Variants in DCHS1 observed in about 807,000 individuals in gnomAD.
The protein encoded by DCHS1 is protocadherin-16.
A neutral mutation model predicts 213.9 loss-of-function variants in DCHS1; 78 were observed. The observed-to-expected ratio is 0.36, with a 90% CI of 0.30 to 0.44. The LOEUF (loss-of-function observed/expected upper bound fraction) is 0.44. Ranked by LOEUF, DCHS1 falls within the 20% of genes least tolerant of loss-of-function variation. DCHS1 has a pLI of 1.00. For synonymous variants in DCHS1, 1,828 were observed against 1,873.7 expected (o/e 0.98, Z 0.63); for missense variants, 3,946 against 4,395.9 (o/e 0.90, Z 2.89).
intron 7 of DCHS1, 51 bp downstream of exon 7, chr11:6,631,565 T>G: frequency 6.5e-7 from 1 of 1,546,730 alleles, no homozygotes; most frequent in Non-Finnish European, 8.7e-7. Flanking sequence ...TATGGGGAGA[T>G]CCCCACTCCC....
In DCHS1 at chr11:6,641,467, C is replaced by T. The variant is rs1226446322; in HGVS notation, c.147G>A (p.Leu49=). The T allele has an allele frequency of 1.3e-6, 2 of 1,587,748 alleles. No individual in the cohort carries two copies. The highest frequency in any genetic ancestry group is 1.8e-5 in the Admixed American group (1 of 55,982). ...CCGCTGGCTGCTCCTCATCAATCTG[C>T]AAGTCCAGGCTCCCAGCCTGACCCC... The part of the protein sequence containing the change: ...GAWGQAGSLD[L]QIDEEQPAGT... Residue 49 remains leucine, a synonymous_variant, in exon 2 of 21, where the codon TTG becomes TTA. Coordinates refer to ENST00000299441, the MANE Select transcript of DCHS1 (RefSeq NM_003737.4). The surrounding 1 kb of genome is among the most constrained non-coding windows in gnomAD (Gnocchi z 7.1).
rs751713481 is a variant in DCHS1, at chr11:6,628,600, T to C, written c.5371+21A>G. 3 of 1,613,114 alleles carry C rather than the reference T, an allele frequency of 1.9e-6. No individual in the cohort carries two copies. Among genetic ancestry groups the C allele is most frequent in the Non-Finnish European group, 1.7e-6 (2 of 1,179,504 alleles). ...CCAGGCAAGTGGGTGCTGAATTAAG[T>C]GGGAGTGGGAAGGTTCTCACCTAGG... On this transcript the variant is annotated intron_variant, in intron 13 of 20. Coordinates refer to ENST00000299441, the MANE Select transcript of DCHS1 (RefSeq NM_003737.4). The surrounding 1 kb of genome is among the most constrained non-coding windows in gnomAD (Gnocchi z 4.3).
chr11:6,627,494 T>G lies in DCHS1; in HGVS notation c.5545A>C (p.Asn1849His). 1 of 1,611,812 alleles carries G rather than the reference T, an allele frequency of 6.2e-7. No homozygotes were observed. Among genetic ancestry groups the G allele is most frequent in the Non-Finnish European group, 8.5e-7 (1 of 1,179,124 alleles). Residue 1849 changes from asparagine (N) to histidine (H), a missense_variant, in exon 14 of 21, where the codon AAT (asparagine) becomes CAT (histidine). By Grantham distance (68) the Asn-to-His change is moderately conservative (BLOSUM62 1). This residue lies in a region of DCHS1 where 3,384 missense variants were observed against 3,780.1 expected (regional missense o/e 0.90). Coordinates refer to ENST00000299441, the MANE Select transcript of DCHS1 (RefSeq NM_003737.4). The surrounding 1 kb of genome is among the most constrained non-coding windows in gnomAD (Gnocchi z 5.4). The stretch of plus-strand genomic sequence containing the variant: ...ACAGGAAAGGCTGGAGCATGGTCAT[T>G]GGCATCCAGCACTGTCACTGTCAAA... ...LLLTVTVLDA[N>H]DHAPAFPVPA...
At chr11:6,634,675 A>G (rs1250250252) in intron 2 of DCHS1, among the ~76,000 whole-genome samples, 2 of 152,194 alleles carry the variant, frequency 1.3e-5, no homozygotes, top group African/African-American at 4.8e-5. Context: ...TCCATACAAC[A>G]CATCACAGCC....
chr11:6,624,158 A>G lies in DCHS1; in HGVS notation c.7518T>C (p.Ala2506=). The change falls in exon 21 of 21, where the codon GCT becomes GCC. Residue 2506 remains alanine (A), a synonymous_variant. Transcript: ENST00000299441. ...PPGSTLLTLE[A]TDADGSRSHA... ...GGCTGCGGCTTCCATCAGCATCTGTAGCCTCCAGGGTGAGCAGAGTGGAGC... is the reference window on the plus strand; with the variant it reads ...GGCTGCGGCTTCCATCAGCATCTGTGGCCTCCAGGGTGAGCAGAGTGGAGC... The G allele has an allele frequency of 1.2e-6, 2 of 1,612,672 alleles. No homozygotes were observed. Among genetic ancestry groups the G allele is most frequent in the African/African-American group, 1.3e-5 (1 of 75,058 alleles).
rs979852727 is a variant in DCHS1 at position 6,622,143 on chromosome 11, C to A, written c.9533G>T (p.Ser3178Ile). 6.2e-7 allele frequency: 1 copy of A among 1,612,742 alleles called. No homozygotes were observed. The highest frequency in any genetic ancestry group is 1.1e-5 in the South Asian group (1 of 91,004). The part of the protein sequence containing the change: ...SWCPQFQPLA[S>I]VFTEIARLKD... ...GAGCCGAGCGATCTCTGTGAAGACA[C>A]TGGCCAGTGGTTGGAACTGAGGGCA... Residue 3178 changes from serine (S) to isoleucine (I), a missense_variant, in exon 21 of 21, where the codon AGT becomes ATT. Ser to Ile is a moderately radical substitution (Grantham distance 142). This residue lies in a region of DCHS1 where 554 missense variants were observed against 590.2 expected (regional missense o/e 0.94). Coordinates refer to ENST00000299441, the MANE Select transcript of DCHS1 (RefSeq NM_003737.4). This position sits in a 1 kb window ranked among gnomAD's most constrained non-coding sequence, Gnocchi z 5.4.
At position 6,632,472 on chromosome 11, in the gene DCHS1, T is replaced by C; in HGVS notation, c.3040A>G (p.Thr1014Ala). Residue 1014 changes from threonine (T) to alanine (A), a missense_variant, in exon 6 of 21, where the codon ACT becomes GCT. By Grantham distance (58) the Thr-to-Ala change is moderately conservative (BLOSUM62 0). This residue lies in a region of DCHS1 where 3,384 missense variants were observed against 3,780.1 expected (regional missense o/e 0.90). Coordinates refer to ENST00000299441, the MANE Select transcript of DCHS1 (RefSeq NM_003737.4). The surrounding 1 kb of genome is among the most constrained non-coding windows in gnomAD (Gnocchi z 5.9). Reference protein sequence around the residue: ...TYRVDLPSGTTAGTQVLQVQA... With the variant: ...TYRVDLPSGTAAGTQVLQVQA... ...ACTTGCAGGACCTGAGTTCCAGCAGTGGTGCCTGAGGGCAGGTCCACACGG... is the reference window on the plus strand; with the variant it reads ...ACTTGCAGGACCTGAGTTCCAGCAGCGGTGCCTGAGGGCAGGTCCACACGG... The C allele has an allele frequency of 6.3e-7, 1 of 1,590,298 alleles. No individual in the cohort carries two copies. Among genetic ancestry groups the C allele is most frequent in the Non-Finnish European group, 8.6e-7 (1 of 1,165,948 alleles).
At position 6,634,104 on chromosome 11, in the gene DCHS1, G is replaced by A. The variant is rs760884669; in HGVS notation, c.1986+14C>T. ...ACCCCAACATCCCAACCTGCCCTTG[G>A]TCTACTGACTTACCCCATCCACAGC... On this transcript the variant is annotated intron_variant, in intron 3 of 20. Transcript: ENST00000299441. 1 of 1,599,292 alleles carries A rather than the reference G, an allele frequency of 6.3e-7. No homozygotes were observed.
Position 6,632,435 on chromosome 11 carries a change from G to A in DCHS1, c.3077C>T (p.Ala1026Val). ...ATAGGTGATAGGGCCCCCATCTGGT[G>A]CTTGGGCCTGCACTTGCAGGACCTG... is the stretch of plus-strand genomic sequence containing the variant. ...GTQVLQVQAQAPDGGPITYHL... is the reference protein window; with the variant it reads ...GTQVLQVQAQVPDGGPITYHL... The change falls in exon 6 of 21, where the codon GCA (alanine) becomes GTA (valine). Residue 1026 changes from alanine (A) to valine (V), a missense_variant. Physicochemically the swap from Ala to Val is moderately conservative, Grantham distance 64. Coordinates refer to ENST00000299441, the MANE Select transcript of DCHS1 (RefSeq NM_003737.4). The surrounding 1 kb of genome is among the most constrained non-coding windows in gnomAD (Gnocchi z 5.9). 6.2e-7 allele frequency: 1 copy of A among 1,607,580 alleles called. No homozygotes were observed. Among genetic ancestry groups the A allele is most frequent in the African/African-American group, 1.3e-5 (1 of 74,952 alleles).
chr11:6,631,397 C>T lies in DCHS1; in HGVS notation c.3686G>A (p.Arg1229His), dbSNP rs139849372. Residue 1229 changes from arginine to histidine, a missense_variant, in exon 8 of 21, where the codon CGC becomes CAC. Around this residue, in one of 3 missense-constraint regions of DCHS1, gnomAD observed 3,384 missense variants for 3,780.1 expected, o/e 0.90. Transcript: ENST00000299441. ...CGTCACCAGTGTTCCCGGAGGCACG[C>T]GGTCTGGTACCTGTGGGAACACAAC... ...GGGLPIQVPD[R>H]VPPGTLVTTL... The T allele has an allele frequency of 2.9e-4, 474 of 1,613,988 alleles. 2 individuals carry two copies. Among genetic ancestry groups the T allele is most frequent in the Non-Finnish European group, 3.7e-4 (442 of 1,179,872 alleles).
chr11:6,654,742 T>C (rs913791515), intron 1 of DCHS1, among the ~76,000 whole-genome samples: 1 of 152,132 alleles, frequency 6.6e-6, no homozygotes, highest in African/African-American at 2.4e-5. Flanking sequence ...GGGCTATGAC[T>C]GTGTCCCTAT....
At chr11:6,631,486 G>T in intron 7 of DCHS1, 79 bp from the exon 8 acceptor site, 1 of 1,600,802 alleles carries the variant, frequency 6.2e-7, no homozygotes. Context: ...TCACCTGTGG[G>T]CAGGCAGAAC....
chr11:6,627,324 C>T lies in DCHS1; in HGVS notation c.5715G>A (p.Glu1905=), dbSNP rs1855825275. Residue 1905 remains glutamate (E), a synonymous_variant, in exon 14 of 21, where the codon GAG becomes GAA. Coordinates refer to ENST00000299441, the MANE Select transcript of DCHS1 (RefSeq NM_003737.4). This position sits in a 1 kb window ranked among gnomAD's most constrained non-coding sequence, Gnocchi z 5.4. The part of the protein sequence containing the change: ...GAGTAGAFLL[E]PSSGELRTAA... ...CTGTGCGCAGTTCTCCAGAGCTGGGCTCCAGCAGGAAGGCTCCTGCTGTAC... is the reference window on the plus strand; with the variant it reads ...CTGTGCGCAGTTCTCCAGAGCTGGGTTCCAGCAGGAAGGCTCCTGCTGTAC... 2.5e-6 allele frequency: 4 copies of T among 1,610,312 alleles called. No individual in the cohort carries two copies. The highest frequency in any genetic ancestry group is 1.1e-5 in the South Asian group (1 of 90,624).
Position 6,655,608 on chromosome 11 carries a change from G to A in DCHS1, c.-166C>T, listed in dbSNP as rs1210416418. The A allele has an allele frequency of 2.0e-6, 2 of 979,876 alleles. No homozygotes were observed. The highest frequency in any genetic ancestry group is 1.3e-4 in the Admixed American group (2 of 15,780). 60.7% of individuals were successfully genotyped at this position (979,876 alleles called of 1,614,324 possible). On this transcript the variant is annotated 5_prime_UTR_variant, in exon 1 of 21. Transcript: ENST00000299441. The stretch of plus-strand genomic sequence containing the variant: ...CTCGCCCGGTGCTGGGGCGCCGTCC[G>A]GCCGCGGTCAGCCCCCCGGGCAGCG...
intron 2 of DCHS1, among the ~76,000 whole-genome samples, chr11:6,637,815 T>C (rs1040461683): frequency 1.5e-4 from 23 of 152,024 alleles, no homozygotes; most frequent in Admixed American, 1.5e-3. Flanking sequence ...CTCCTTAAGA[T>C]GAGGGGAGTG....
intron 2 of DCHS1, among the ~76,000 whole-genome samples, chr11:6,636,905 G>A (rs962857297): frequency 6.6e-6 from 1 of 152,114 alleles, no homozygotes; most frequent in African/African-American, 2.4e-5. Context: ...ACCTCCACCT[G>A]GATGTCCCAC....
chr11:6,632,433 G>A lies in DCHS1; in HGVS notation c.3079C>T (p.Pro1027Ser), dbSNP rs753113328. The A allele has an allele frequency of 2.0e-5, 32 of 1,608,686 alleles. No homozygotes were observed. In the South Asian group the frequency reaches 2.8e-4, roughly 14 times the overall value. Residue 1027 changes from proline to serine, a missense_variant, in exon 6 of 21, where the codon CCA (proline) becomes TCA (serine). Physicochemically the swap from Pro to Ser is moderately conservative, Grantham distance 74. Transcript: ENST00000299441. The surrounding 1 kb of genome is among the most constrained non-coding windows in gnomAD (Gnocchi z 5.9). ...TQVLQVQAQAPDGGPITYHLA... is the reference protein window; with the variant it reads ...TQVLQVQAQASDGGPITYHLA... ...TGATAGGTGATAGGGCCCCCATCTGGTGCTTGGGCCTGCACTTGCAGGACC... is the reference window on the plus strand; with the variant it reads ...TGATAGGTGATAGGGCCCCCATCTGATGCTTGGGCCTGCACTTGCAGGACC...
intron 2 of DCHS1, 59 bp downstream of exon 2, chr11:6,639,758 G>A: frequency 7.1e-7 from 1 of 1,414,562 alleles, no homozygotes; most frequent in Non-Finnish European, 9.7e-7. Flanking sequence ...CTGCTCTGAG[G>A]TCCCCTGTGG....
chr11:6,640,500 A>G lies in DCHS1; in HGVS notation c.1114T>C (p.Ser372Pro), dbSNP rs1325129820. 1.2e-6 allele frequency: 2 copies of G among 1,612,910 alleles called. No homozygotes were observed. The highest frequency in any genetic ancestry group is 1.7e-6 in the Non-Finnish European group (2 of 1,179,856). Residue 372 changes from serine (S) to proline (P), a missense_variant, in exon 2 of 21, where the codon TCC becomes CCC. Around this residue, in one of 3 missense-constraint regions of DCHS1, gnomAD observed 3,384 missense variants for 3,780.1 expected, o/e 0.90. Coordinates refer to ENST00000299441, the MANE Select transcript of DCHS1 (RefSeq NM_003737.4). The surrounding 1 kb of genome is among the most constrained non-coding windows in gnomAD (Gnocchi z 6.5). ...GGGGCGGCCTCAGACACTTGGGGGGAGCCATCTGCACTGAGAAAGATGACA... is the reference window on the plus strand; with the variant it reads ...GGGGCGGCCTCAGACACTTGGGGGGGGCCATCTGCACTGAGAAAGATGACA... ...MTVIFLSADG[S>P]PQVSEAAPPG...
Sources: gnomAD v4.1 joint callset for allele counts (sites outside exome capture counted in the v4.1 genomes callset) on GRCh38, gnomAD v4.1.1 for gene constraint, gnomAD v4.1.1 regional missense constraint, Gnocchi (gnomAD v3.1) non-coding constraint, MANE v1.5 for transcripts, NCBI Gene and HGNC (gene_info 2026-07-23, HGNC 2026-07-21) for gene names.